DCDC2: variants seen among roughly 807,000 people sequenced by gnomAD.
DCDC2 encodes the protein doublecortin domain-containing protein 2.
DCDC2 carries 40 observed loss-of-function variants against 50.2 expected under a neutral mutation model. The observed-to-expected ratio is 0.80, with a 90% confidence interval of 0.62 to 1.04. DCDC2 has a LOEUF of 1.04. Among genes scored for constraint, DCDC2 ranks in the 50% least tolerant of loss-of-function variants. The probability of loss-of-function intolerance (pLI) is 0.00; values close to 1 mark genes in which losing one functional copy is unlikely to be tolerated. For synonymous variants in DCDC2, 234 were observed against 210.6 expected, an observed-to-expected ratio of 1.11 and a Z score of -0.96; for missense variants, 570 against 581.9, an observed-to-expected ratio of 0.98 and a Z score of 0.21.
chr6:24,238,361 C>G lies in DCDC2; in HGVS notation c.923-33259G>C, dbSNP rs147044106. On this transcript the variant is annotated intron_variant, in intron 7 of 9. Transcript: ENST00000378454. Reference sequence around the variant, plus strand: ...TTGCCCAGGCTGGAGTGTGGTGGCACGATCTTGGCTCACTGCAACCTCCGC... The same window carrying G: ...TTGCCCAGGCTGGAGTGTGGTGGCAGGATCTTGGCTCACTGCAACCTCCGC... Among the ~76,000 whole-genome samples the G allele has an allele frequency of 1.2e-3, 177 of 150,996 alleles. 3 individuals are homozygous for G. The East Asian group carries it at 0.022, about 19-fold the overall frequency.
At chr6:24,355,774 T>G (rs1045295741) in intron 1 of DCDC2, among the ~76,000 whole-genome samples, 2 of 152,152 alleles carry the variant, frequency 1.3e-5, no homozygotes, top group Non-Finnish European at 1.5e-5. Flanking sequence ...GAAAAGAATG[T>G]CTGACGTAAC....
chr6:24,358,005 G>C lies in DCDC2; in HGVS notation c.-255C>G. On this transcript the variant is annotated 5_prime_UTR_variant, in exon 1 of 10. Coordinates refer to ENST00000378454, the MANE Select transcript of DCDC2 (RefSeq NM_016356.5). ...TGCACAGCCAATCAGGACCCGCAGT[G>C]CGCGCACCACACCAGGTTCACCTGC... is the stretch of plus-strand genomic sequence containing the variant. 7.5e-7 allele frequency: 1 copy of C among 1,340,174 alleles called. No individual in the cohort carries two copies. The highest frequency in any genetic ancestry group is 2.9e-5 in the Admixed American group (1 of 34,360). 83.0% of individuals were successfully genotyped at this position (1,340,174 alleles called of 1,614,324 possible).
intron 6 of DCDC2, among the ~76,000 whole-genome samples, chr6:24,280,266 T>C (rs1245157054): frequency 1.3e-5 from 2 of 152,210 alleles, no homozygotes; most frequent in Non-Finnish European, 2.9e-5. Context: ...GTATGAAAAC[T>C]TGTCCAAATC....
At chr6:24,272,868 A>G (rs1330906021) in intron 7 of DCDC2, among the ~76,000 whole-genome samples, 1 of 152,202 alleles carries the variant, frequency 6.6e-6, no homozygotes, top group East Asian at 1.9e-4. Context: ...ACTGGATATC[A>G]AAAGAAAACA....
chr6:24,239,091 A>G (rs1762511636), intron 7 of DCDC2, among the ~76,000 whole-genome samples: 1 of 152,236 alleles, frequency 6.6e-6, no homozygotes, highest in Admixed American at 6.5e-5. Flanking sequence ...CATTCATATC[A>G]TAACAAGAGT....
At chr6:24,297,345 A>G (rs540603151) in intron 4 of DCDC2, among the ~76,000 whole-genome samples, 3 of 152,170 alleles carry the variant, frequency 2.0e-5, no homozygotes, top group Non-Finnish European at 4.4e-5. Flanking sequence ...GGAACAGTAA[A>G]AGTAACTATT....
chr6:24,374,340 G>A, the DCDC2 span, among the ~76,000 whole-genome samples: 1 of 151,914 alleles, frequency 6.6e-6, no homozygotes, highest in Non-Finnish European at 1.5e-5. Context: ...GGCCAAGGCA[G>A]GTGGATCAAT....
the DCDC2 span, among the ~76,000 whole-genome samples, chr6:24,374,665 A>G: frequency 2.0e-5 from 3 of 150,372 alleles, no homozygotes; most frequent in Non-Finnish European, 4.4e-5. Context: ...GATGTGAGAG[A>G]GTGATGAGAT....
At chr6:24,358,936 TTTATATA>T (rs1208615202), upstream of DCDC2, among the ~76,000 whole-genome samples, 213 of 16,914 alleles carry the variant, frequency 0.013, 6 homozygotes, top group East Asian at 0.023. Context: ...TATTATATAT[TTTATATA>T]TTATATATTA....
At chr6:24,251,401 T>C (rs564885024) in intron 7 of DCDC2, among the ~76,000 whole-genome samples, 105 of 152,326 alleles carry the variant, frequency 6.9e-4, no homozygotes, top group Non-Finnish European at 1.1e-3. Context: ...TTAGAGATTA[T>C]AAGTTTGGAC....
chr6:24,318,774 T>A (rs1043997775), intron 2 of DCDC2, among the ~76,000 whole-genome samples: 3 of 149,810 alleles, frequency 2.0e-5, no homozygotes, highest in Non-Finnish European at 3.0e-5. Context: ...CCGTTTTATA[T>A]ACGTACGTGT....
intron 7 of DCDC2, among the ~76,000 whole-genome samples, chr6:24,248,590 G>C (rs1695030064): frequency 6.6e-6 from 1 of 152,092 alleles, no homozygotes; most frequent in African/African-American, 2.4e-5. Flanking sequence ...GATATACGTG[G>C]TTAAGCAAAG....
At position 24,205,140 on chromosome 6, in the gene DCDC2, T is replaced by C. The variant is rs773448356; in HGVS notation, c.923-38A>G. The C allele has an allele frequency of 3.7e-6, 6 of 1,614,112 alleles. No homozygotes were observed. In the South Asian group the frequency reaches 5.5e-5, roughly 15 times the overall value. ...ACACACAGTGAAAATCAAAATCCAA[T>C]TGTGACATCGTGTGGCTGAATGCTG... On this transcript the variant is annotated intron_variant, in intron 7 of 9. Transcript: ENST00000378454.
intron 7 of DCDC2, among the ~76,000 whole-genome samples, chr6:24,272,687 T>C (rs896727223): frequency 3.9e-5 from 6 of 152,206 alleles, no homozygotes; most frequent in African/African-American, 1.4e-4. Context: ...CCAGTCAGAA[T>C]GGCTGTTCTG....
At chr6:24,293,389 GCCAA>G (rs900970345) in intron 4 of DCDC2, among the ~76,000 whole-genome samples, 10 of 152,262 alleles carry the variant, frequency 6.6e-5, no homozygotes, top group Admixed American at 6.5e-4. Flanking sequence ...ATAGGGAGGG[GCCAA>G]CCATAAGATT....
intron 7 of DCDC2, among the ~76,000 whole-genome samples, chr6:24,267,987 C>T (rs1486835331): frequency 6.6e-6 from 1 of 152,176 alleles, no homozygotes; most frequent in Admixed American, 6.5e-5. Flanking sequence ...TACCCCAACG[C>T]TTCTCAAGTT....
At chr6:24,196,719 C>T (rs774472213) in intron 8 of DCDC2, among the ~76,000 whole-genome samples, 1 of 152,136 alleles carries the variant, frequency 6.6e-6, no homozygotes, top group Non-Finnish European at 1.5e-5. Flanking sequence ...GCTACCACAC[C>T]CAGCTCCAAT....
intron 2 of DCDC2, among the ~76,000 whole-genome samples, chr6:24,344,070 T>C (rs1051912904): frequency 1.3e-5 from 2 of 152,184 alleles, no homozygotes; most frequent in South Asian, 2.1e-4. Context: ...ATATCCCTCC[T>C]GTCAAACTGA....
chr6:24,174,663 C>T lies in DCDC2; in HGVS notation c.*67G>A. Reference sequence around the variant, plus strand: ...CATTATATTCAGCAATAACTATGTGCTTATCTTTCAAGTATGATAACCCTT... The same window carrying T: ...CATTATATTCAGCAATAACTATGTGTTTATCTTTCAAGTATGATAACCCTT... On this transcript the variant is annotated 3_prime_UTR_variant, in exon 10 of 10. Coordinates refer to ENST00000378454, the MANE Select transcript of DCDC2 (RefSeq NM_016356.5). 9.2e-7 allele frequency: 1 copy of T among 1,090,288 alleles called. No individual in the cohort carries two copies. The highest frequency in any genetic ancestry group is 1.8e-5 in the Admixed American group (1 of 57,124). The allele number at this position is 1,090,288 out of a possible 1,614,324, so 67.5% of individuals were successfully genotyped here.
Sources: allele counts gnomAD v4.1 joint callset (sites outside exome capture counted in the v4.1 genomes callset), GRCh38; gene constraint gnomAD v4.1.1; transcripts MANE v1.5; gene names NCBI Gene and HGNC (gene_info 2026-07-23, HGNC 2026-07-21).